The following BRAF variants were observed in gnomAD, a reference collection of about 807,000 sequenced individuals.
BRAF encodes the protein serine/threonine-protein kinase B-raf.
A neutral mutation model predicts 104.6 loss-of-function variants in BRAF; 16 were observed. That is an observed-to-expected ratio of 0.15 (90% CI 0.10 to 0.23). The LOEUF is 0.23. Ranked by LOEUF, BRAF falls within the 10% of genes least tolerant of loss-of-function variation. The pLI is 1.00. For missense variants in BRAF, 541 were observed against 937.3 expected (o/e 0.58, Z 5.52); for synonymous variants, 310 against 341.6 (o/e 0.91, Z 1.02).
chr7:140,727,959 G>A (rs543423003), intron 19 of BRAF, among the ~76,000 whole-genome samples: 47 of 152,264 alleles, frequency 3.1e-4, no homozygotes, highest in Admixed American at 9.2e-4. Flanking sequence ...TTCTGATGAG[G>A]ATCCAAGCAA....
At chr7:140,769,713 T>G (rs570751796) in intron 14 of BRAF, among the ~76,000 whole-genome samples, 1 of 152,232 alleles carries the variant, frequency 6.6e-6, no homozygotes, top group South Asian at 2.1e-4. Context: ...TTCAATAAGT[T>G]TTTCTTTTTT....
intron 14 of BRAF, 97 bp from the exon 14 acceptor site, chr7:140,754,330 A>G (rs1286291266): frequency 2.0e-6 from 2 of 999,958 alleles, no homozygotes; most frequent in Non-Finnish European, 3.2e-6. Context: ...CTTATTTAGA[A>G]TCATGATACA....
At position 140,919,462 on chromosome 7, in the gene BRAF, GT is replaced by G. The variant is rs895932477; in HGVS notation, c.138+5103del. On this transcript the variant is annotated intron_variant, in intron 1 of 19. Coordinates refer to ENST00000644969, the MANE Select transcript of BRAF (RefSeq NM_001374258.1). Reference sequence around the variant, plus strand: ...GATACAGGAAGGAATTAGAATAATAGTTTTTTTTTTTAAGCCCAAGAGAAAA... The same window carrying G: ...GATACAGGAAGGAATTAGAATAATAGTTTTTTTTTTAAGCCCAAGAGAAAA... 3.5e-3 allele frequency among the ~76,000 whole-genome samples: 517 copies of G among 147,076 alleles called. 3 individuals are homozygous for G. Among genetic ancestry groups the G allele is most frequent in the African/African-American group, 0.012 (471 of 40,334 alleles).
At chr7:140,867,240 T>C (rs1811066460) in intron 1 of BRAF, among the ~76,000 whole-genome samples, 2 of 152,294 alleles carry the variant, frequency 1.3e-5, no homozygotes, top group Non-Finnish European at 2.9e-5. Context: ...AAGTAAATGG[T>C]AGAATTACTC....
intron 1 of BRAF, among the ~76,000 whole-genome samples, chr7:140,858,608 C>G (rs1375942138): frequency 6.6e-6 from 1 of 152,120 alleles, no homozygotes; most frequent in Admixed American, 6.5e-5. Context: ...CAGAGTGGAT[C>G]TTAGTTTAGG....
At chr7:140,745,179 G>A (rs1020642365) in intron 17 of BRAF, among the ~76,000 whole-genome samples, 11 of 151,994 alleles carry the variant, frequency 7.2e-5, no homozygotes, top group African/African-American at 2.2e-4. Flanking sequence ...GGATATATAT[G>A]TATCTAATAT....
chr7:140,892,986 A>C (rs1217943763), intron 1 of BRAF, among the ~76,000 whole-genome samples: 3 of 152,240 alleles, frequency 2.0e-5, no homozygotes, highest in Non-Finnish European at 2.9e-5. Flanking sequence ...ATTAAAAATC[A>C]AATCATCGAA....
intron 2 of BRAF, chr7:140,836,241 C>G (rs1807324144): frequency 6.6e-6 from 1 of 152,016 alleles, no homozygotes; most frequent in African/African-American, 2.4e-5. Context: ...GAAGCTTTAG[C>G]AGCATCCCTG....
intron 10 of BRAF, chr7:140,783,582 A>G: frequency 4.3e-6 from 1 of 231,280 alleles, no homozygotes; most frequent in Non-Finnish European, 8.5e-6. Context: ...CAGCCAATCA[A>G]TATTAAAAAA....
At chr7:140,852,771 T>G (rs987942569) in intron 1 of BRAF, among the ~76,000 whole-genome samples, 8 of 152,214 alleles carry the variant, frequency 5.3e-5, no homozygotes, top group African/African-American at 1.9e-4. Context: ...TGTCTACTAG[T>G]ATACCTAATA....
At chr7:140,912,247 A>G (rs1177042364) in intron 1 of BRAF, among the ~76,000 whole-genome samples, 4 of 152,046 alleles carry the variant, frequency 2.6e-5, no homozygotes, top group South Asian at 2.1e-4. Flanking sequence ...CATATCCCCA[A>G]TCCTCATTCT....
chr7:140,805,887 T>A (rs1310726651), intron 5 of BRAF, among the ~76,000 whole-genome samples: 1 of 152,228 alleles, frequency 6.6e-6, no homozygotes, highest in Non-Finnish European at 1.5e-5. Flanking sequence ...AGGTTTTTGA[T>A]CTTGCCTCTA....
At chr7:140,739,645 G>A (rs1796744284) in intron 18 of BRAF, among the ~76,000 whole-genome samples, 167 bp downstream of exon 17, 1 of 152,056 alleles carries the variant, frequency 6.6e-6, no homozygotes. Context: ...ATTTCTAGGT[G>A]TGCCACTGCT....
At chr7:140,714,059 C>A in the BRAF span, among the ~76,000 whole-genome samples, 2 of 152,132 alleles carry the variant, frequency 1.3e-5, no homozygotes, top group Non-Finnish European at 2.9e-5. Flanking sequence ...GGTCAGGGAC[C>A]CACTTGAGGA....
At chr7:140,894,690 A>G (rs573585127) in intron 1 of BRAF, among the ~76,000 whole-genome samples, 2 of 152,310 alleles carry the variant, frequency 1.3e-5, no homozygotes, top group South Asian at 2.1e-4. Context: ...ACACATACCC[A>G]TAAGAGACAA....
chr7:140,822,135 G>A (rs1805553672), intron 3 of BRAF, among the ~76,000 whole-genome samples: 1 of 151,880 alleles, frequency 6.6e-6, no homozygotes, highest in Admixed American at 6.6e-5. Context: ...TAACAAAGCT[G>A]TGCATGTACC....
intron 1 of BRAF, among the ~76,000 whole-genome samples, chr7:140,859,947 A>G (rs2129082374): frequency 6.6e-6 from 1 of 152,342 alleles, no homozygotes; most frequent in South Asian, 2.1e-4. Context: ...TCAGCCTCCC[A>G]AAGTGCTGGG....
chr7:140,905,397 T>C (rs888197334), intron 1 of BRAF, among the ~76,000 whole-genome samples: 1 of 152,224 alleles, frequency 6.6e-6, no homozygotes, highest in African/African-American at 2.4e-5. Flanking sequence ...GAGGTGACTC[T>C]TCTGCCAATA....
At chr7:140,801,380 A>G in intron 6 of BRAF, 32 bp downstream of exon 6, 1 of 1,609,792 alleles carries the variant, frequency 6.2e-7, no homozygotes, top group South Asian at 1.1e-5. Flanking sequence ...GTAAAATGGT[A>G]GGTAGAAAAG....
Sources: gnomAD v4.1 joint callset for allele counts (sites outside exome capture counted in the v4.1 genomes callset) on GRCh38, gnomAD v4.1.1 for gene constraint, MANE v1.5 for transcripts, NCBI Gene and HGNC (gene_info 2026-07-23, HGNC 2026-07-21) for gene names.